Variants in WDR82 observed in about 807,000 individuals in gnomAD.
WDR82 encodes the protein WD repeat domain 82.
In WDR82, 8 loss-of-function variants were observed where a neutral mutation model predicts 36.1. That is an observed-to-expected ratio of 0.22 (90% CI 0.13 to 0.40). WDR82 has a LOEUF of 0.40. Ranked by LOEUF, WDR82 falls within the 10% of genes least tolerant of loss-of-function variation. The pLI, the probability that WDR82 is intolerant of heterozygous loss-of-function variation, is 1.00. For missense variants in WDR82, 185 were observed against 400.5 expected, an observed-to-expected ratio of 0.46 and a Z score of 4.59; for synonymous variants, 129 against 137.8, an observed-to-expected ratio of 0.94 and a Z score of 0.45.
At chr3:52,267,380 C>T (rs1700115244) in intron 2 of WDR82, 1 of 212,922 alleles carries the variant, frequency 4.7e-6, no homozygotes, top group Admixed American at 6.1e-5. Flanking sequence ...CTAGTGTCCA[C>T]AGAATGGCAA....
Position 52,278,593 on chromosome 3 carries a change from C to T in WDR82, c.-232G>A. On this transcript the variant is annotated 5_prime_UTR_variant, in exon 1 of 9. Coordinates refer to ENST00000296490, the MANE Select transcript of WDR82 (RefSeq NM_025222.4). ...GTCCTCACAGCCACCTCACGGACAA[C>T]CGGCGCGTCGCCGGCTCATTGTGTC... The T allele has an allele frequency of 2.5e-6, 1 of 406,310 alleles. No individual in the cohort carries two copies. Among genetic ancestry groups the T allele is most frequent in the East Asian group, 3.6e-5 (1 of 28,030 alleles). The allele number at this position is 406,310 out of a possible 1,614,324, so 25.2% of individuals were successfully genotyped here.
intron 2 of WDR82, chr3:52,268,265 G>T (rs1239378496): frequency 2.1e-6 from 1 of 468,938 alleles, no homozygotes; most frequent in Non-Finnish European, 4.4e-6. Context: ...CTTGGCAGCT[G>T]GCGCGCTGTT....
chr3:52,278,099 G>C (rs757690402), intron 1 of WDR82, 102 bp downstream of exon 1: 14 of 1,301,940 alleles, frequency 1.1e-5, no homozygotes, highest in Non-Finnish European at 1.3e-5. Flanking sequence ...GTGCAAAATA[G>C]GCTGGGGGCT....
chr3:52,257,357 C>T lies in WDR82; in HGVS notation c.*133G>A. 2 of 1,233,952 alleles carry T rather than the reference C, an allele frequency of 1.6e-6. No homozygotes were observed. Among genetic ancestry groups the T allele is most frequent in the Non-Finnish European group, 2.4e-6 (2 of 846,804 alleles). The allele number at this position is 1,233,952 out of a possible 1,614,324, so 76.4% of individuals were successfully genotyped here. The stretch of plus-strand genomic sequence containing the variant: ...TCTTTTGAGCAGATGTACAGCACAT[C>T]CATGGGAAGGCCATGTAAAAGGATG... On this transcript the variant is annotated 3_prime_UTR_variant, in exon 9 of 9. Transcript: ENST00000296490.
chr3:52,274,931 CAAAA>C (rs869143357), intron 1 of WDR82, among the ~76,000 whole-genome samples: 5 of 144,554 alleles, frequency 3.5e-5, no homozygotes, highest in Non-Finnish European at 7.5e-5. Context: ...AACAAACAAA[CAAAA>C]AGAAAGGCCG....
intron 6 of WDR82, 118 bp downstream of exon 6, chr3:52,259,599 T>C (rs944934842): frequency 4.8e-6 from 6 of 1,249,058 alleles, no homozygotes; most frequent in Non-Finnish European, 6.6e-6. Context: ...AAAATACAAG[T>C]GCATGCCTTC....
In WDR82 at chr3:52,268,755, C is replaced by T. The variant is rs1402698622; in HGVS notation, c.260-1737G>A. Among the ~76,000 whole-genome samples, 14 of 151,912 alleles carry T rather than the reference C, an allele frequency of 9.2e-5. No individual in the cohort carries two copies. In the East Asian group the frequency reaches 2.7e-3, roughly 29 times the overall value. ...AAAAAAAAATGGAAAAAAGGACTTC[C>T]GCCCATTCTGCTCTGAGATAGGCAC... On this transcript the variant is annotated intron_variant, in intron 2 of 8. Transcript: ENST00000296490.
intron 8 of WDR82, 105 bp from the exon 9 acceptor site, chr3:52,257,624 T>G: frequency 7.1e-7 from 1 of 1,410,278 alleles, no homozygotes; most frequent in Non-Finnish European, 9.9e-7. Context: ...CCCCAGTGGC[T>G]CTGGTAGCCC....
rs780312530 is a variant in WDR82, at chr3:52,257,343, G to C, written c.*147C>G. 4.3e-5 allele frequency: 46 copies of C among 1,073,128 alleles called. No homozygotes were observed. Among genetic ancestry groups the C allele is most frequent in the African/African-American group, 6.3e-5 (4 of 63,264 alleles). The allele number at this position is 1,073,128 out of a possible 1,614,324, so 66.5% of individuals were successfully genotyped here. A position where few individuals can be genotyped will look rare whatever the true frequency, so the allele number is the denominator to read the frequency against. ...CAAAGTAATTATTTTCTTTTGAGCAGATGTACAGCACATCCATGGGAAGGC... is the reference window on the plus strand; with the variant it reads ...CAAAGTAATTATTTTCTTTTGAGCACATGTACAGCACATCCATGGGAAGGC... On this transcript the variant is annotated 3_prime_UTR_variant, in exon 9 of 9. Transcript: ENST00000296490.
In WDR82 at chr3:52,259,758, G is replaced by A. The variant is rs2107330891; in HGVS notation, c.658C>T (p.Leu220=). ...ACCACTCCTTTGAATGCATCAATCAGACGAATGAAGCTGCCGTTGGTGGAA... is the reference window on the plus strand; with the variant it reads ...ACCACTCCTTTGAATGCATCAATCAAACGAATGAAGCTGCCGTTGGTGGAA... ...LISTNGSFIR[L]IDAFKGVVMH... Residue 220 remains leucine (L), a synonymous_variant, in exon 6 of 9, where the codon CTG becomes TTG. Transcript: ENST00000296490. 3 of 1,614,060 alleles carry A rather than the reference G, an allele frequency of 1.9e-6. No homozygotes were observed. Among genetic ancestry groups the A allele is most frequent in the East Asian group, 4.5e-5 (2 of 44,884 alleles).
In WDR82 at chr3:52,255,379, G is replaced by C. The variant is rs1410937792; in HGVS notation, c.*2111C>G. On this transcript the variant is annotated 3_prime_UTR_variant, in exon 9 of 9. Transcript: ENST00000296490. ...TATGTGAAGTTAGGTAGCCTTTCCT[G>C]TTAACCCATGGTTCCAAGCACTCTC... 1 of 152,104 alleles carries C rather than the reference G, an allele frequency of 6.6e-6. No homozygotes were observed. The highest frequency in any genetic ancestry group is 1.5e-5 in the Non-Finnish European group (1 of 68,016). 9.4% of individuals were successfully genotyped at this position (152,104 alleles called of 1,614,324 possible).
intron 5 of WDR82, 84 bp downstream of exon 5, chr3:52,260,301 C>T (rs909498876): frequency 2.3e-5 from 23 of 1,016,672 alleles, no homozygotes; most frequent in Non-Finnish European, 2.8e-5. Context: ...TGCACTCCAG[C>T]CTGGGCAATA....
chr3:52,259,584 G>C, intron 6 of WDR82, 133 bp downstream of exon 6: 1 of 1,145,056 alleles, frequency 8.7e-7, no homozygotes. Flanking sequence ...TTCATGAGCA[G>C]GAAGAAAATA....
intron 1 of WDR82, among the ~76,000 whole-genome samples, chr3:52,272,391 A>G (rs1700162241): frequency 6.6e-6 from 1 of 152,050 alleles, no homozygotes; most frequent in South Asian, 2.1e-4. Flanking sequence ...TAAAGATACA[A>G]AAATTAGCTG....
chr3:52,278,607 G>A lies in WDR82; in HGVS notation c.-246C>T, dbSNP rs1361516633. ...CTCACGGACAACCGGCGCGTCGCCG[G>A]CTCATTGTGTCCGCCATTTTGGGGC... is the stretch of plus-strand genomic sequence containing the variant. On this transcript the variant is annotated 5_prime_UTR_variant, in exon 1 of 9. Coordinates refer to ENST00000296490, the MANE Select transcript of WDR82 (RefSeq NM_025222.4). 1 of 401,262 alleles carries A rather than the reference G, an allele frequency of 2.5e-6. No homozygotes were observed. The allele number at this position is 401,262 out of a possible 1,614,324, so 24.9% of individuals were successfully genotyped here.
intron 1 of WDR82, among the ~76,000 whole-genome samples, chr3:52,272,878 C>A (rs149113051): frequency 4.6e-5 from 7 of 152,230 alleles, no homozygotes; most frequent in Non-Finnish European, 1.0e-4. Context: ...CTACATGAAA[C>A]CCATTTCCAA....
chr3:52,278,190 G>C lies in WDR82; in HGVS notation c.161+11C>G. 1 of 1,588,150 alleles carries C rather than the reference G, an allele frequency of 6.3e-7. No homozygotes were observed. The highest frequency in any genetic ancestry group is 8.6e-7 in the Non-Finnish European group (1 of 1,166,718). On this transcript the variant is annotated intron_variant, in intron 1 of 8. Transcript: ENST00000296490. ...ACTGAGACTCGGGCCCAGGGCCTCC[G>C]CCGCACTCACTTGCCCTCCTGGCAG...
At chr3:52,268,169 C>T (rs1475225998) in intron 2 of WDR82, 1 of 326,704 alleles carries the variant, frequency 3.1e-6, no homozygotes, top group East Asian at 8.0e-5. Flanking sequence ...CTAACAATGA[C>T]TCACCTGCCC....
intron 3 of WDR82, among the ~76,000 whole-genome samples, chr3:52,262,186 C>T (rs1700067634): frequency 1.3e-5 from 2 of 152,164 alleles, no homozygotes; most frequent in South Asian, 2.1e-4. Context: ...TCCATTTACA[C>T]AAAATGTCTA....
Sources: gnomAD v4.1 joint callset for allele counts (sites outside exome capture counted in the v4.1 genomes callset) on GRCh38, gnomAD v4.1.1 for gene constraint, MANE v1.5 for transcripts, NCBI Gene and HGNC (gene_info 2026-07-23, HGNC 2026-07-21) for gene names.